SNTG1: variants seen among roughly 807,000 people sequenced by gnomAD.
SNTG1 encodes the protein syntrophin gamma 1, also known as gamma-1-syntrophin.
In SNTG1, 39 loss-of-function variants were observed where a neutral mutation model predicts 74.7. The ratio of observed to expected loss-of-function variants is 0.52; its 90% CI spans 0.40 to 0.68. SNTG1 has a LOEUF of 0.68. Ranked by LOEUF, SNTG1 falls within the 30% of genes least tolerant of loss-of-function variation. SNTG1 has a pLI of 0.00. For missense variants in SNTG1, 685 were observed against 609.5 expected (o/e 1.12, Z -1.30); for synonymous variants, 254 against 217.1 (o/e 1.17, Z -1.49).
intron 17 of SNTG1, among the ~76,000 whole-genome samples, chr8:50,727,559 CCCTGGATTCTCACTGGT>C (rs2095503136): frequency 6.6e-6 from 1 of 152,104 alleles, no homozygotes; most frequent in African/African-American, 2.4e-5. Context: ...TTCTCACTGG[CCCTGGATTCTCACTGGT>C]CCTTCTGTAG....
chr8:50,479,452 T>A (rs548068439), intron 8 of SNTG1, among the ~76,000 whole-genome samples: 42 of 152,268 alleles, frequency 2.8e-4, no homozygotes, highest in African/African-American at 9.9e-4. Flanking sequence ...ATTAATTTTC[T>A]TAGTGCCTGT....
intron 18 of SNTG1, among the ~76,000 whole-genome samples, chr8:50,783,189 C>T (rs369908967): frequency 1.3e-5 from 2 of 152,198 alleles, no homozygotes; most frequent in Non-Finnish European, 2.9e-5. Flanking sequence ...TCTCAGATCT[C>T]CAGCTGCCTG....
chr8:50,263,535 T>C (rs894226084), intron 2 of SNTG1, among the ~76,000 whole-genome samples: 5 of 152,054 alleles, frequency 3.3e-5, no homozygotes, highest in African/African-American at 1.2e-4. Context: ...AGACATATAA[T>C]GCAAATGATG....
At chr8:50,278,902 A>C (rs1438534230) in intron 2 of SNTG1, among the ~76,000 whole-genome samples, 1 of 152,140 alleles carries the variant, frequency 6.6e-6, no homozygotes, top group East Asian at 1.9e-4. Flanking sequence ...CTGCTATATA[A>C]ATTTCAGAAA....
intron 1 of SNTG1, among the ~76,000 whole-genome samples, chr8:50,039,252 G>A (rs1422853181): frequency 1.3e-5 from 2 of 151,914 alleles, no homozygotes; most frequent in Non-Finnish European, 2.9e-5. Context: ...TCAGGAGATC[G>A]AGACCATCCT....
At chr8:50,495,695 C>T (rs756558730) in intron 8 of SNTG1, among the ~76,000 whole-genome samples, 19 of 152,130 alleles carry the variant, frequency 1.2e-4, no homozygotes, top group Non-Finnish European at 2.1e-4. Flanking sequence ...ATGCTTCTCT[C>T]TTAAGAAGGC....
At chr8:50,315,732 A>AT (rs2090291191) in intron 2 of SNTG1, among the ~76,000 whole-genome samples, 1 of 138,132 alleles carries the variant, frequency 7.2e-6, no homozygotes, top group African/African-American at 3.0e-5. Context: ...CTTTCATTCA[A>AT]AACCATTGAA....
Position 49,982,635 on chromosome 8 carries a change from AGTGTGTGT to A in SNTG1, c.-103+70421_-103+70428del, listed in dbSNP as rs35133955. Among the ~76,000 whole-genome samples, 45 of 143,212 alleles carry A rather than the reference AGTGTGTGT, an allele frequency of 3.1e-4. 2 individuals are homozygous for A. The highest frequency in any genetic ancestry group is 2.2e-3 in the East Asian group (11 of 4,892). 94.0% of individuals were successfully genotyped at this position (143,212 alleles called of 152,430 possible). A position where few individuals can be genotyped will look rare whatever the true frequency, so the allele number is the denominator to read the frequency against. On this transcript the variant is annotated intron_variant, in intron 1 of 18. Transcript: ENST00000642720. ...AAAAAAAAAAGTTTGAGCCCAAAAC[AGTGTGTGT>A]GTGTGTGTGTGTGTGTAATTATATT...
chr8:50,675,705 G>T (rs186226680), intron 15 of SNTG1, among the ~76,000 whole-genome samples: 1 of 152,086 alleles, frequency 6.6e-6, no homozygotes, highest in African/African-American at 2.4e-5. Context: ...TCATCATGAT[G>T]TTATCTGATT....
chr8:50,361,582 C>T (rs528510259), intron 2 of SNTG1, among the ~76,000 whole-genome samples: 2 of 152,278 alleles, frequency 1.3e-5, no homozygotes, highest in South Asian at 4.1e-4. Flanking sequence ...ATTACAGGTG[C>T]ATGCCACAAC....
At chr8:49,999,916 T>C (rs1463792730) in intron 1 of SNTG1, among the ~76,000 whole-genome samples, 1 of 152,220 alleles carries the variant, frequency 6.6e-6, no homozygotes, top group Non-Finnish European at 1.5e-5. Context: ...TTGTCCCCTC[T>C]ATTTTGTTTC....
intron 2 of SNTG1, among the ~76,000 whole-genome samples, chr8:50,225,312 A>G (rs956282763): frequency 9.9e-5 from 15 of 152,186 alleles, no homozygotes; most frequent in Non-Finnish European, 2.9e-5. Context: ...CATCATCTGC[A>G]TAATAAGAAC....
At chr8:50,368,907 T>A (rs1354609543) in intron 2 of SNTG1, among the ~76,000 whole-genome samples, 1 of 152,202 alleles carries the variant, frequency 6.6e-6, no homozygotes, top group African/African-American at 2.4e-5. Context: ...CATTATTGTA[T>A]TTTGGAGACA....
intron 1 of SNTG1, among the ~76,000 whole-genome samples, chr8:50,079,805 T>C (rs1485554511): frequency 6.6e-6 from 1 of 152,208 alleles, no homozygotes. Flanking sequence ...CCCAGCATGA[T>C]TTATTAAATA....
At chr8:50,117,087 G>A (rs2080848304) in intron 1 of SNTG1, among the ~76,000 whole-genome samples, 1 of 151,954 alleles carries the variant, frequency 6.6e-6, no homozygotes, top group Non-Finnish European at 1.5e-5. Flanking sequence ...TACATTTTAA[G>A]ACAATTTTAA....
At chr8:49,935,829 T>G (rs1217680494) in intron 1 of SNTG1, among the ~76,000 whole-genome samples, 1 of 152,238 alleles carries the variant, frequency 6.6e-6, no homozygotes, top group African/African-American at 2.4e-5. Flanking sequence ...ACTTACAGTC[T>G]TTCAAATTTG....
At chr8:50,385,465 G>C (rs557112678) in intron 2 of SNTG1, among the ~76,000 whole-genome samples, 2 of 152,302 alleles carry the variant, frequency 1.3e-5, no homozygotes, top group South Asian at 4.1e-4. Context: ...ATTTTTGTCA[G>C]ATTTATTTCC....
chr8:49,992,836 G>C (rs1233731499), intron 1 of SNTG1, among the ~76,000 whole-genome samples: 1 of 152,076 alleles, frequency 6.6e-6, no homozygotes, highest in Non-Finnish European at 1.5e-5. Context: ...AATGCTGAAA[G>C]CTTATTCTTA....
intron 5 of SNTG1, among the ~76,000 whole-genome samples, chr8:50,443,829 T>C (rs757723982): frequency 1.3e-5 from 2 of 152,180 alleles, no homozygotes; most frequent in Non-Finnish European, 2.9e-5. Flanking sequence ...GTTTACTTTC[T>C]GGTTTATTTA....
Sources: allele counts gnomAD v4.1 joint callset (sites outside exome capture counted in the v4.1 genomes callset), GRCh38; gene constraint gnomAD v4.1.1; transcripts MANE v1.5; gene names NCBI Gene and HGNC (gene_info 2026-07-23, HGNC 2026-07-21).